SYDE2: variants seen among roughly 807,000 people sequenced by gnomAD.
SYDE2 encodes synapse defective Rho GTPase homolog 2.
A neutral mutation model predicts 91.5 loss-of-function variants in SYDE2; 76 were observed. The ratio of observed to expected loss-of-function variants is 0.83; its 90% CI spans 0.69 to 1.01. SYDE2 has a LOEUF of 1.01. SYDE2 is among the 50% of genes least tolerant of loss of function. The pLI is 0.00. For synonymous variants in SYDE2, 513 were observed against 506.4 expected (o/e 1.01, Z -0.18); for missense variants, 1,364 against 1,367.7 (o/e 1.00, Z 0.04).
chr1:85,186,176 T>C (rs918610984), intron 2 of SYDE2, among the ~76,000 whole-genome samples: 8 of 152,210 alleles, frequency 5.3e-5, no homozygotes, highest in Admixed American at 6.5e-5. Context: ...AGCTTTTTGA[T>C]GTGCTGCTGG....
chr1:85,168,269 G>A (rs817427), intron 5 of SYDE2, among the ~76,000 whole-genome samples: 34,333 of 151,924 alleles, frequency 0.23, 4,802 homozygotes, highest in African/African-American at 0.39. Flanking sequence ...AATCCAACTG[G>A]ACAGAGCACA....
rs1227350280 is a variant in SYDE2, at chr1:85,169,186, AGAG to A, written c.2708_2710del (p.Pro903del). The A allele has an allele frequency of 1.2e-6, 2 of 1,613,792 alleles. No individual in the cohort carries two copies. The highest frequency in any genetic ancestry group is 1.7e-5 in the Admixed American group (1 of 60,008). ...AGCCTCATAAAGCTGCTTTGTTATCAGAGGAGAAGGGAGTTCTCTTAAATAATC... is the reference window on the plus strand; with the variant it reads ...AGCCTCATAAAGCTGCTTTGTTATCAGAGAAGGGAGTTCTCTTAAATAATC... On this transcript the variant is annotated inframe_deletion, in exon 5 of 7. Coordinates refer to ENST00000341460, the MANE Select transcript of SYDE2 (RefSeq NM_032184.2).
At chr1:85,160,410 ACATTTCTATTG>A (rs1657018764) in intron 6 of SYDE2, 1 of 889,282 alleles carries the variant, frequency 1.1e-6, no homozygotes, top group African/African-American at 1.8e-5. Flanking sequence ...TATGTTTTTA[ACATTTCTATTG>A]CATTTTAAAG....
intron 1 of SYDE2, among the ~76,000 whole-genome samples, chr1:85,191,636 C>T (rs1030508335): frequency 1.3e-5 from 2 of 151,590 alleles, no homozygotes; most frequent in Non-Finnish European, 2.9e-5. Context: ...CACGTGCCTG[C>T]AGTCCCAGCT....
chr1:85,164,742 ACATC>A lies in SYDE2; in HGVS notation c.2865_2868del (p.Lys955AsnfsTer6). 4.2e-6 allele frequency: 6 copies of A among 1,426,506 alleles called. No homozygotes were observed. Among genetic ancestry groups the A allele is most frequent in the Non-Finnish European group, 5.5e-6 (6 of 1,088,258 alleles). 88.4% of individuals were successfully genotyped at this position (1,426,506 alleles called of 1,614,324 possible). A position where few individuals can be genotyped will look rare whatever the true frequency, so the allele number is the denominator to read the frequency against. On this transcript the variant is annotated frameshift_variant, in exon 6 of 7. Coordinates refer to ENST00000341460, the MANE Select transcript of SYDE2 (RefSeq NM_032184.2). LOFTEE classifies it high-confidence loss of function. ...GCCACCAATTTCAAATGATCCAACA[ACATC>A]TTTAGGGTTGCCTAAATTAAATTAA...
intron 4 of SYDE2, among the ~76,000 whole-genome samples, chr1:85,177,870 T>G (rs1657762153): frequency 6.6e-6 from 1 of 152,188 alleles, no homozygotes; most frequent in Non-Finnish European, 1.5e-5. Context: ...AAGCATTTTA[T>G]TTATCCCTCT....
chr1:85,169,979 T>G (rs1196195471), intron 4 of SYDE2, among the ~76,000 whole-genome samples: 1 of 152,112 alleles, frequency 6.6e-6, no homozygotes, highest in Non-Finnish European at 1.5e-5. Flanking sequence ...AGCTAAAGGC[T>G]GGCATGTGAT....
chr1:85,190,048 C>A lies in SYDE2; in HGVS notation c.1441+9G>T. 3 of 1,570,908 alleles carry A rather than the reference C, an allele frequency of 1.9e-6. No individual in the cohort carries two copies. Among genetic ancestry groups the A allele is most frequent in the South Asian group, 2.4e-5 (2 of 84,548 alleles). On this transcript the variant is annotated intron_variant, in intron 2 of 6. Coordinates refer to ENST00000341460, the MANE Select transcript of SYDE2 (RefSeq NM_032184.2). ...GAAGAAAGAAAGACACATATATGATCATTTTTACCTGCAAAAGGAGATTTC... is the reference window on the plus strand; with the variant it reads ...GAAGAAAGAAAGACACATATATGATAATTTTTACCTGCAAAAGGAGATTTC...
chr1:85,175,351 C>G (rs1306742591), intron 4 of SYDE2, among the ~76,000 whole-genome samples: 1 of 152,052 alleles, frequency 6.6e-6, no homozygotes, highest in Non-Finnish European at 1.5e-5. Context: ...ATACAAAAAA[C>G]TAGCTGGGCG....
At chr1:85,155,053 G>GAAAAA (rs1338596459), downstream of SYDE2, among the ~76,000 whole-genome samples, 1 of 116,746 alleles carries the variant, frequency 8.6e-6, no homozygotes, top group Non-Finnish European at 1.9e-5. Context: ...AGAAAAGAAA[G>GAAAAA]AAAAGAAAGA....
chr1:85,171,851 C>A lies in SYDE2; in HGVS notation c.2672-2626G>T, dbSNP rs952630308. Among the ~76,000 whole-genome samples, 11 of 151,904 alleles carry A rather than the reference C, an allele frequency of 7.2e-5. 1 individual carries two copies. The highest frequency in any genetic ancestry group is 2.6e-4 in the Admixed American group (4 of 15,260). On this transcript the variant is annotated intron_variant, in intron 4 of 6. Coordinates refer to ENST00000341460, the MANE Select transcript of SYDE2 (RefSeq NM_032184.2). ...AGTAAATGGGCATTAAAGAAATAGA[C>A]AAAGAAATGCACACAACCTGTTCAA...
At chr1:85,184,412 T>C (rs766031182) in intron 2 of SYDE2, among the ~76,000 whole-genome samples, 2 of 152,064 alleles carry the variant, frequency 1.3e-5, no homozygotes, top group Non-Finnish European at 2.9e-5. Flanking sequence ...CTGGAAACAA[T>C]CTATCAACAC....
At chr1:85,153,606 G>A (rs1656819206), downstream of SYDE2, 1 of 152,140 alleles carries the variant, frequency 6.6e-6, no homozygotes, top group African/African-American at 2.4e-5. Context: ...GCTTCTGTCT[G>A]GGACTGTGAA....
chr1:85,193,558 G>C (rs530380890), intron 1 of SYDE2, among the ~76,000 whole-genome samples: 1 of 152,222 alleles, frequency 6.6e-6, no homozygotes, highest in East Asian at 1.9e-4. Flanking sequence ...AAAGCTACCA[G>C]TATCCCATAT....
intron 1 of SYDE2, 115 bp from the exon 2 acceptor site, chr1:85,190,867 C>T: frequency 5.9e-6 from 4 of 675,998 alleles, no homozygotes; most frequent in Non-Finnish European, 9.6e-6. Context: ...ACAACAATCA[C>T]ATTCAGAGAC....
chr1:85,196,947 GTTTT>G (rs1196179205), intron 1 of SYDE2, among the ~76,000 whole-genome samples: 7 of 152,110 alleles, frequency 4.6e-5, no homozygotes, highest in African/African-American at 1.7e-4. Context: ...ACAGTCTAAA[GTTTT>G]TTCTTTCCCA....
At chr1:85,189,949 A>G (rs564348311) in intron 2 of SYDE2, 108 bp downstream of exon 2, 61 of 908,878 alleles carry the variant, frequency 6.7e-5, no homozygotes, top group Non-Finnish European at 9.4e-5. Flanking sequence ...TCACTTCACA[A>G]GAAAAAGTAC....
At chr1:85,155,106 A>G (rs1656852547), downstream of SYDE2, among the ~76,000 whole-genome samples, 1 of 152,080 alleles carries the variant, frequency 6.6e-6, no homozygotes, top group Non-Finnish European at 1.5e-5. Context: ...CCAAGATGAT[A>G]GCTAAAAATC....
At chr1:85,167,646 G>A (rs190896689) in intron 5 of SYDE2, among the ~76,000 whole-genome samples, 2 of 152,208 alleles carry the variant, frequency 1.3e-5, no homozygotes, top group Admixed American at 6.5e-5. Flanking sequence ...AGACGGTTTC[G>A]CCATACAGCC....
Sources: gnomAD v4.1 joint callset for allele counts (sites outside exome capture counted in the v4.1 genomes callset) on GRCh38, gnomAD v4.1.1 for gene constraint, MANE v1.5 for transcripts, NCBI Gene and HGNC (gene_info 2026-07-23, HGNC 2026-07-21) for gene names.